Variants in CSMD2 observed in about 807,000 individuals in gnomAD.
The protein encoded by CSMD2 is CUB and Sushi multiple domains 2, also known as CUB and sushi domain-containing protein 2.
A neutral mutation model predicts 398.5 loss-of-function variants in CSMD2; 130 were observed. The ratio of observed to expected loss-of-function variants is 0.33; its 90% CI spans 0.28 to 0.38. The LOEUF (loss-of-function observed/expected upper bound fraction) is 0.38. Among genes scored for constraint, CSMD2 ranks in the 10% least tolerant of loss-of-function variants. The pLI is 1.00. For missense variants in CSMD2, 3,829 were observed against 4,764.9 expected (o/e 0.80, Z 5.78); for synonymous variants, 1,828 against 1,908.5 (o/e 0.96, Z 1.10).
chr1:33,995,273 G>T (rs1391239975), intron 3 of CSMD2, among the ~76,000 whole-genome samples: 2 of 152,134 alleles, frequency 1.3e-5, no homozygotes, highest in African/African-American at 4.8e-5. Context: ...CTCACAAAAT[G>T]ACAAGTCCCA....
intron 5 of CSMD2, among the ~76,000 whole-genome samples, chr1:33,874,706 C>G (rs1422265200): frequency 6.6e-6 from 1 of 152,338 alleles, no homozygotes; most frequent in African/African-American, 2.4e-5. Context: ...AGAAACCACA[C>G]CTCCAGCTCT....
chr1:34,117,697 A>G (rs1304210643), intron 1 of CSMD2, among the ~76,000 whole-genome samples: 1 of 152,198 alleles, frequency 6.6e-6, no homozygotes, highest in African/African-American at 2.4e-5. Context: ...AATATACCTG[A>G]TGAATACAGG....
chr1:33,882,669 G>A (rs955905381), intron 5 of CSMD2, among the ~76,000 whole-genome samples: 2 of 152,108 alleles, frequency 1.3e-5, no homozygotes, highest in African/African-American at 4.8e-5. Context: ...AAAAATGGAG[G>A]TACCTATCTC....
chr1:33,836,846 G>T (rs1178221587), intron 6 of CSMD2, among the ~76,000 whole-genome samples: 1 of 152,160 alleles, frequency 6.6e-6, no homozygotes, highest in East Asian at 1.9e-4. Context: ...TTCGGCTCAG[G>T]CTCAGTGCAC....
In CSMD2 at chr1:33,785,695, C is replaced by G. The variant is rs561651817; in HGVS notation, c.1663+2905G>C. On this transcript the variant is annotated intron_variant, in intron 12 of 70. Transcript: ENST00000373381. The stretch of plus-strand genomic sequence containing the variant: ...CCCTCCATCCTGGGCATGCCCTATC[C>G]TACCATGGAGGTCCCTGGAGGGTAC... Among the ~76,000 whole-genome samples the G allele has an allele frequency of 1.2e-4, 18 of 152,328 alleles. No individual in the cohort carries two copies. In the South Asian group the frequency reaches 1.5e-3, roughly 12 times the overall value.
intron 15 of CSMD2, among the ~76,000 whole-genome samples, chr1:33,732,179 G>C (rs1379032704): frequency 6.6e-6 from 1 of 152,166 alleles, no homozygotes; most frequent in African/African-American, 2.4e-5. Context: ...ATCCTCTCTT[G>C]AACAGGGAGA....
At chr1:34,119,802 C>T (rs2148466037) in intron 1 of CSMD2, among the ~76,000 whole-genome samples, 1 of 152,290 alleles carries the variant, frequency 6.6e-6, no homozygotes, top group South Asian at 2.1e-4. Flanking sequence ...AAACTGGAAT[C>T]CTTGTGCATT....
At chr1:33,695,657 C>T (rs56767407) in intron 24 of CSMD2, among the ~76,000 whole-genome samples, 5,021 of 152,296 alleles carry the variant, frequency 0.033, 218 homozygotes, top group African/African-American at 0.098. Context: ...GAGTTGCCCA[C>T]GCTCTAGGCA....
At position 33,956,892 on chromosome 1, in the gene CSMD2, A is replaced by G. The variant is rs117740327; in HGVS notation, c.518-20938T>C. Among the ~76,000 whole-genome samples, 1,181 of 151,972 alleles carry G rather than the reference A, an allele frequency of 7.8e-3. 40 individuals are homozygous for G. In the East Asian group the frequency reaches 0.092, roughly 12 times the overall value. On this transcript the variant is annotated intron_variant, in intron 3 of 70. Coordinates refer to ENST00000373381, the MANE Select transcript of CSMD2 (RefSeq NM_001281956.2). ...CCTAAATCTTCTCATCTCCCTTTAA[A>G]TAAGAATCACCCTCCTGTCCTGGAC...
At chr1:33,805,429 C>T (rs1388897723) in intron 10 of CSMD2, among the ~76,000 whole-genome samples, 2 of 152,058 alleles carry the variant, frequency 1.3e-5, no homozygotes, top group African/African-American at 4.8e-5. Flanking sequence ...TTCCAGTGTT[C>T]CCAGCACTGT....
intron 5 of CSMD2, among the ~76,000 whole-genome samples, chr1:33,872,206 T>C (rs187837619): frequency 8.9e-4 from 136 of 152,198 alleles, no homozygotes; most frequent in African/African-American, 3.2e-3. Context: ...GATCTAGCTA[T>C]GGAGATGTCC....
At chr1:33,738,265 A>G (rs778600487) in intron 15 of CSMD2, among the ~76,000 whole-genome samples, 32 of 152,170 alleles carry the variant, frequency 2.1e-4, no homozygotes, top group Admixed American at 5.9e-4. Context: ...AGAGAATCAC[A>G]GCCTTCGTCT....
rs4424471 is a variant in CSMD2, at chr1:33,546,092, T to G, written c.9045A>C (p.Ser3015=). 2,237 of 1,614,148 alleles carry G rather than the reference T, an allele frequency of 1.4e-3. 56 individuals are homozygous for G. In the Admixed American group the frequency reaches 0.034, roughly 25 times the overall value. The change falls in exon 57 of 71, where the codon TCA becomes TCC. Residue 3015 remains serine (S), a synonymous_variant. Transcript: ENST00000373381. ...CEAGHVLRGS[S]ERTCQANGSW... Reference sequence around the variant, plus strand: ...AGCCATTGGCTTGACAGGTGCGCTCTGACGATCCCCGGAGCACGTGGCCAG... The same window carrying G: ...AGCCATTGGCTTGACAGGTGCGCTCGGACGATCCCCGGAGCACGTGGCCAG...
chr1:33,578,551 G>A (rs966112769), intron 48 of CSMD2, among the ~76,000 whole-genome samples: 2 of 152,070 alleles, frequency 1.3e-5, no homozygotes, highest in Non-Finnish European at 2.9e-5. Context: ...GCACTCCAGC[G>A]TGGGTGACAG....
At chr1:33,720,771 C>A (rs1351037376) in intron 19 of CSMD2, among the ~76,000 whole-genome samples, 1 of 152,188 alleles carries the variant, frequency 6.6e-6, no homozygotes, top group Non-Finnish European at 1.5e-5. Flanking sequence ...GATCTCGGCT[C>A]ACCGCAACCT....
intron 53 of CSMD2, among the ~76,000 whole-genome samples, chr1:33,560,878 C>T (rs1310958319): frequency 2.0e-5 from 3 of 152,200 alleles, no homozygotes; most frequent in Non-Finnish European, 1.5e-5. Context: ...AGTGAATCAG[C>T]GAATGAGTAA....
intron 1 of CSMD2, among the ~76,000 whole-genome samples, chr1:34,134,095 C>T (rs1558440425): frequency 6.7e-6 from 1 of 149,558 alleles, no homozygotes. Context: ...GCAGCTCTGG[C>T]AGCCAAACAG....
chr1:34,069,077 A>G (rs570969288), intron 2 of CSMD2, among the ~76,000 whole-genome samples: 28 of 152,290 alleles, frequency 1.8e-4, no homozygotes, highest in African/African-American at 6.0e-4. Context: ...TTCTCCACCA[A>G]TGCTTTCACA....
At chr1:34,119,741 T>C (rs1571181518) in intron 1 of CSMD2, among the ~76,000 whole-genome samples, 2 of 152,304 alleles carry the variant, frequency 1.3e-5, no homozygotes, top group South Asian at 4.1e-4. Context: ...CCTGTTACAA[T>C]AGCCACCATC....
Sources: allele counts gnomAD v4.1 joint callset (sites outside exome capture counted in the v4.1 genomes callset), GRCh38; gene constraint gnomAD v4.1.1; transcripts MANE v1.5; gene names NCBI Gene and HGNC (gene_info 2026-07-23, HGNC 2026-07-21).